The following TRPC7 variants were observed in gnomAD, a reference collection of about 807,000 sequenced individuals.
TRPC7 encodes the protein short transient receptor potential channel 7.
A neutral mutation model predicts 90.1 loss-of-function variants in TRPC7; 42 were observed. The observed-to-expected ratio is 0.47, with a 90% CI of 0.36 to 0.60. The LOEUF (loss-of-function observed/expected upper bound fraction) is 0.60, where lower values mean the gene tolerates loss of function less well. TRPC7 is among the 20% of genes least tolerant of loss of function. TRPC7 has a pLI of 0.00. For synonymous variants in TRPC7, 451 were observed against 436.3 expected (o/e 1.03, Z -0.42); for missense variants, 955 against 1,112.3 (o/e 0.86, Z 2.01).
Position 136,266,270 on chromosome 5 carries a change from T to C in TRPC7, c.1295A>G (p.Lys432Arg). ...TDYPKQIFRV[K>R]TTQFSWTEML... ...TTCTGTCCAGGAGAACTGTGTGGTT[T>C]TCACTCTGAAGATTTGTTTTGGGTA... Residue 432 changes from lysine to arginine, a missense_variant, in exon 5 of 12, where the codon AAA (lysine) becomes AGA (arginine). Physicochemically the swap from Lys to Arg is conservative, Grantham distance 26 (BLOSUM62 2). Transcript: ENST00000513104. 6.2e-7 allele frequency: 1 copy of C among 1,613,962 alleles called. No individual in the cohort carries two copies. Among genetic ancestry groups the C allele is most frequent in the Non-Finnish European group, 8.5e-7 (1 of 1,179,832 alleles).
At chr5:136,336,735 C>T (rs796438917) in intron 2 of TRPC7, among the ~76,000 whole-genome samples, 4 of 152,038 alleles carry the variant, frequency 2.6e-5, no homozygotes, top group African/African-American at 9.7e-5. Flanking sequence ...TTGTTCAATT[C>T]CCACCTATGA....
chr5:136,352,489 A>G (rs1012729508), intron 2 of TRPC7, among the ~76,000 whole-genome samples: 1 of 152,106 alleles, frequency 6.6e-6, no homozygotes, highest in Non-Finnish European at 1.5e-5. Context: ...CAGTGAAGAA[A>G]ACCAAGCAGA....
At chr5:136,348,079 T>C (rs1326946934) in intron 2 of TRPC7, among the ~76,000 whole-genome samples, 1 of 152,232 alleles carries the variant, frequency 6.6e-6, no homozygotes, top group Non-Finnish European at 1.5e-5. Flanking sequence ...ACTCTTTCCA[T>C]TCTTGTGCTC....
chr5:136,224,748 C>T (rs1755573787), intron 10 of TRPC7, among the ~76,000 whole-genome samples: 1 of 152,164 alleles, frequency 6.6e-6, no homozygotes, highest in Non-Finnish European at 1.5e-5. Context: ...ACCCTCTCCC[C>T]CATCCTGACA....
chr5:136,214,597 A>G (rs549050298), intron 11 of TRPC7, among the ~76,000 whole-genome samples: 4 of 152,296 alleles, frequency 2.6e-5, no homozygotes, highest in East Asian at 3.9e-4. Context: ...TGATATTCAC[A>G]TGAATCAGTT....
At chr5:136,222,782 A>AG (rs1482430832) in intron 10 of TRPC7, among the ~76,000 whole-genome samples, 1 of 152,134 alleles carries the variant, frequency 6.6e-6, no homozygotes, top group Non-Finnish European at 1.5e-5. Context: ...GTGGTGAGAG[A>AG]GGGGGGGCCC....
In TRPC7 at chr5:136,274,809, T is replaced by C. The variant is rs1157949824; in HGVS notation, c.992A>G (p.Gln331Arg). 9 of 1,580,582 alleles carry C rather than the reference T, an allele frequency of 5.7e-6. No individual in the cohort carries two copies. In the South Asian group the frequency reaches 6.9e-5, roughly 12 times the overall value. ...KFVAHPNCQQ[Q>R]LLTMWYENLS... is the part of the protein sequence containing the mutation. ...ATTTTCATACCACATGGTAAGCAATTGCTGCTGACAGTTAGGATGAGCAAC... is the reference window on the plus strand; with the variant it reads ...ATTTTCATACCACATGGTAAGCAATCGCTGCTGACAGTTAGGATGAGCAAC... Residue 331 changes from glutamine to arginine, a missense_variant, in exon 4 of 12, where the codon CAA (glutamine) becomes CGA (arginine). Physicochemically the swap from Gln to Arg is conservative, Grantham distance 43. This residue lies in a region of TRPC7 where 484 missense variants were observed against 509.6 expected (regional missense o/e 0.95). Coordinates refer to ENST00000513104, the MANE Select transcript of TRPC7 (RefSeq NM_020389.3).
chr5:136,284,060 T>C (rs1757632677), intron 3 of TRPC7, among the ~76,000 whole-genome samples: 1 of 152,220 alleles, frequency 6.6e-6, no homozygotes, highest in Non-Finnish European at 1.5e-5. Flanking sequence ...TTTGGACAAC[T>C]TCAATTGCTG....
chr5:136,292,248 C>A lies in TRPC7; in HGVS notation c.964-17411G>T, dbSNP rs201499138. Among the ~76,000 whole-genome samples the A allele has an allele frequency of 1.5e-4, 23 of 152,180 alleles. No homozygotes were observed. The East Asian group carries it at 4.4e-3, about 29-fold the overall frequency. On this transcript the variant is annotated intron_variant, in intron 3 of 11. Transcript: ENST00000513104. ...ATTAAAAGAACTAGAGAAGCAAGAG[C>A]AAACACATTCAAAAGCTAGCAGAAG...
At chr5:136,266,140 G>A (rs1757020316) in intron 5 of TRPC7, 80 bp downstream of exon 5, 1 of 1,302,206 alleles carries the variant, frequency 7.7e-7, no homozygotes, top group Non-Finnish European at 1.1e-6. Context: ...AAGAGGAGAG[G>A]GAGAAATTCA....
chr5:136,346,234 T>A (rs546611519), intron 2 of TRPC7, among the ~76,000 whole-genome samples: 3 of 152,114 alleles, frequency 2.0e-5, no homozygotes, highest in South Asian at 2.1e-4. Context: ...TGTAATAAAA[T>A]ATATATATAA....
intron 3 of TRPC7, among the ~76,000 whole-genome samples, chr5:136,294,363 T>A (rs1235135067): frequency 1.3e-5 from 2 of 152,070 alleles, no homozygotes; most frequent in Admixed American, 1.3e-4. Flanking sequence ...ACCTACAGAA[T>A]GGGAGAAATT....
intron 7 of TRPC7, among the ~76,000 whole-genome samples, chr5:136,233,186 A>G (rs1376306504): frequency 6.6e-6 from 1 of 152,130 alleles, no homozygotes; most frequent in Non-Finnish European, 1.5e-5. Flanking sequence ...GTGGGATTCT[A>G]TTGTCAGTGT....
intron 7 of TRPC7, among the ~76,000 whole-genome samples, chr5:136,244,614 G>A (rs1756277511): frequency 6.6e-6 from 1 of 152,242 alleles, no homozygotes; most frequent in African/African-American, 2.4e-5. Context: ...AGAAACACAG[G>A]AGGGACACCA....
chr5:136,292,826 G>T (rs1189960478), intron 3 of TRPC7, among the ~76,000 whole-genome samples: 1 of 151,060 alleles, frequency 6.6e-6, no homozygotes, highest in African/African-American at 2.4e-5. Flanking sequence ...CCAAAGCATG[G>T]CAGAGACACA....
rs1760418455 is a variant in TRPC7 at position 136,357,236 on chromosome 5, G to C, written c.152C>G (p.Ala51Gly). The change falls in exon 2 of 12, where the codon GCT becomes GGT. Residue 51 changes from alanine (A) to glycine (G), a missense_variant. Around this residue, in one of 4 missense-constraint regions of TRPC7, gnomAD observed 161 missense variants for 145.7 expected, o/e 1.10. Coordinates refer to ENST00000513104, the MANE Select transcript of TRPC7 (RefSeq NM_020389.3). ...GACCACCGGGATGTTGCCATACTCA[G>C]CCGAGTCCAGGAAGCGCTCCTCCTC... ...TPEEERFLDS[A>G]EYGNIPVVRK... is the part of the protein sequence containing the mutation. 11 of 1,613,788 alleles carry C rather than the reference G, an allele frequency of 6.8e-6. No homozygotes were observed. The highest frequency in any genetic ancestry group is 9.3e-6 in the Non-Finnish European group (11 of 1,180,008).
intron 5 of TRPC7, among the ~76,000 whole-genome samples, chr5:136,260,297 A>G (rs1473679946): frequency 6.6e-6 from 1 of 152,194 alleles, no homozygotes; most frequent in Non-Finnish European, 1.5e-5. Flanking sequence ...AGCATATAGT[A>G]TTGTCAGAGG....
intron 3 of TRPC7, among the ~76,000 whole-genome samples, chr5:136,291,818 C>T (rs562901924): frequency 6.6e-6 from 1 of 152,266 alleles, no homozygotes; most frequent in South Asian, 2.1e-4. Flanking sequence ...GAACTCTCCA[C>T]CCCAAATCAA....
chr5:136,316,565 G>A, intron 2 of TRPC7, among the ~76,000 whole-genome samples: 1 of 152,074 alleles, frequency 6.6e-6, no homozygotes, highest in Admixed American at 6.6e-5. Flanking sequence ...TTTTTAATGA[G>A]CTGCTTCCAG....
Sources: allele counts gnomAD v4.1 joint callset (sites outside exome capture counted in the v4.1 genomes callset), GRCh38; gene constraint gnomAD v4.1.1; regional missense constraint gnomAD v4.1.1; transcripts MANE v1.5; gene names NCBI Gene and HGNC (gene_info 2026-07-23, HGNC 2026-07-21).